Variants in HRH2 observed in about 807,000 individuals in gnomAD.
HRH2 encodes the protein histamine H2 receptor.
Under a neutral mutation model 20.1 loss-of-function variants are expected in HRH2, and 4 were observed. The ratio of observed to expected loss-of-function variants is 0.20; its 90% CI spans 0.10 to 0.45. The LOEUF (loss-of-function observed/expected upper bound fraction) is 0.45, where lower values mean the gene tolerates loss of function less well. Ranked by LOEUF, HRH2 falls within the 20% of genes least tolerant of loss-of-function variation. The pLI, the probability that HRH2 is intolerant of heterozygous loss-of-function variation, is 0.99. For missense variants in HRH2, 250 were observed against 461.6 expected, an observed-to-expected ratio of 0.54 and a Z score of 4.20; for synonymous variants, 197 against 200.7, an observed-to-expected ratio of 0.98 and a Z score of 0.16.
In HRH2 at chr5:175,687,660, G is replaced by A. The variant is rs1040160536; in HGVS notation, c.1076+3351G>A. ...GCTGCCTTATGGGCAGACACCATCC[G>A]CCCCTTCCTGACCCCTACTGTCCAC... On this transcript the variant is annotated intron_variant, in intron 2 of 2. Coordinates refer to ENST00000636584, the MANE Select transcript of HRH2 (RefSeq NM_001367711.1). The surrounding 1 kb of genome is among the most constrained non-coding windows in gnomAD (Gnocchi z 5.2). Among the ~76,000 whole-genome samples, 4 of 151,616 alleles carry A rather than the reference G, an allele frequency of 2.6e-5. No homozygotes were observed. Among genetic ancestry groups the A allele is most frequent in the South Asian group, 2.1e-4 (1 of 4,798 alleles).
At chr5:175,666,432 T>G (rs949714821) in intron 1 of HRH2, among the ~76,000 whole-genome samples, 1 of 152,096 alleles carries the variant, frequency 6.6e-6, no homozygotes, top group East Asian at 1.9e-4. Flanking sequence ...CGCAGATTCC[T>G]TTTTTGGTTT....
In HRH2 at chr5:175,687,715, A is replaced by G. The variant is rs143896073; in HGVS notation, c.1076+3406A>G. Reference sequence around the variant, plus strand: ...CATCACCTCTCCCCTGCCTCCTCTCAGATACCCCTGCTCCCAGCCGCTCCC... The same window carrying G: ...CATCACCTCTCCCCTGCCTCCTCTCGGATACCCCTGCTCCCAGCCGCTCCC... On this transcript the variant is annotated intron_variant, in intron 2 of 2. Transcript: ENST00000636584. This position sits in a 1 kb window ranked among gnomAD's most constrained non-coding sequence, Gnocchi z 5.2. Among the ~76,000 whole-genome samples, 1 of 151,688 alleles carries G rather than the reference A, an allele frequency of 6.6e-6. No individual in the cohort carries two copies. The highest frequency in any genetic ancestry group is 1.5e-5 in the Non-Finnish European group (1 of 67,894).
At chr5:175,698,464 TGTTCTCGCTTTATC>T (rs1756682089) in intron 2 of HRH2, among the ~76,000 whole-genome samples, 1 of 152,164 alleles carries the variant, frequency 6.6e-6, no homozygotes, top group African/African-American at 2.4e-5. Flanking sequence ...CGCACACACT[TGTTCTCGCTTTATC>T]GTGCCATTGA....
intron 2 of HRH2, among the ~76,000 whole-genome samples, chr5:175,691,009 G>A (rs998675922): frequency 6.6e-6 from 1 of 151,930 alleles, no homozygotes; most frequent in African/African-American, 2.4e-5. Context: ...CCATCCAAGG[G>A]CCCATTTTTC....
intron 1 of HRH2, among the ~76,000 whole-genome samples, chr5:175,660,515 G>A (rs1048428528): frequency 2.1e-4 from 32 of 152,250 alleles, no homozygotes; most frequent in African/African-American, 7.0e-4. Context: ...GAAGGAAATA[G>A]GCTAAAGAGG....
At chr5:175,699,204 G>A (rs1413440008) in intron 2 of HRH2, among the ~76,000 whole-genome samples, 1 of 152,208 alleles carries the variant, frequency 6.6e-6, no homozygotes, top group African/African-American at 2.4e-5. Flanking sequence ...AGAAAACAAG[G>A]GGGAATGAAA....
chr5:175,674,484 A>G (rs1287473607), intron 1 of HRH2, among the ~76,000 whole-genome samples: 1 of 151,814 alleles, frequency 6.6e-6, no homozygotes, highest in Non-Finnish European at 1.5e-5. Flanking sequence ...GACACTCATC[A>G]TCATAAAGTG....
At chr5:175,673,939 A>T (rs1755663441) in intron 1 of HRH2, among the ~76,000 whole-genome samples, 1 of 152,216 alleles carries the variant, frequency 6.6e-6, no homozygotes, top group East Asian at 1.9e-4. Flanking sequence ...TCCTGACCTC[A>T]GGTGATCCAC....
At chr5:175,697,434 G>T (rs58093885) in intron 2 of HRH2, among the ~76,000 whole-genome samples, 12,886 of 147,038 alleles carry the variant, frequency 0.088, 1,790 homozygotes, top group African/African-American at 0.3. Context: ...CTGCAGTCCA[G>T]CTTGGGCGAA....
intron 1 of HRH2, among the ~76,000 whole-genome samples, chr5:175,669,996 A>G (rs1038987617): frequency 6.6e-6 from 1 of 152,194 alleles, no homozygotes; most frequent in Non-Finnish European, 1.5e-5. Context: ...ACCCAGGAGC[A>G]GCCCCCTCGG....
In HRH2 at chr5:175,673,438, T is replaced by A. The variant is rs77465680; in HGVS notation, c.-525-9271T>A. ...CTTTTCTAGCCCCTCACTTCATGATTTATATCCACTTTGTGCCCACAATAT... is the reference window on the plus strand; with the variant it reads ...CTTTTCTAGCCCCTCACTTCATGATATATATCCACTTTGTGCCCACAATAT... On this transcript the variant is annotated intron_variant, in intron 1 of 2. Coordinates refer to ENST00000636584, the MANE Select transcript of HRH2 (RefSeq NM_001367711.1). Among the ~76,000 whole-genome samples, 16 of 152,234 alleles carry A rather than the reference T, an allele frequency of 1.1e-4. No individual in the cohort carries two copies. In the East Asian group the frequency reaches 2.9e-3, roughly 28 times the overall value.
At chr5:175,674,121 G>A (rs1055843616) in intron 1 of HRH2, among the ~76,000 whole-genome samples, 1 of 152,230 alleles carries the variant, frequency 6.6e-6, no homozygotes, top group Non-Finnish European at 1.5e-5. Flanking sequence ...TGTTGGCAGA[G>A]GCCAAGCAAA....
chr5:175,691,632 C>T (rs772462281), intron 2 of HRH2, among the ~76,000 whole-genome samples: 3 of 152,090 alleles, frequency 2.0e-5, no homozygotes, highest in Non-Finnish European at 2.9e-5. Flanking sequence ...CCTGTAATAC[C>T]GGCGCTTTGG....
chr5:175,685,661 C>A, intron 2 of HRH2: 1 of 633,982 alleles, frequency 1.6e-6, no homozygotes. Flanking sequence ...CCATCTCAGG[C>A]CTCAGTTTCC....
At chr5:175,703,678 A>G (rs1404163283) in intron 2 of HRH2, among the ~76,000 whole-genome samples, 7 of 152,174 alleles carry the variant, frequency 4.6e-5, no homozygotes. Flanking sequence ...AGATAACAGA[A>G]TAAAAAACAT....
intron 1 of HRH2, among the ~76,000 whole-genome samples, chr5:175,667,265 G>A (rs909039432): frequency 6.6e-5 from 10 of 152,070 alleles, no homozygotes; most frequent in African/African-American, 2.2e-4. Flanking sequence ...CCAACGTGGT[G>A]AAAACTCATC....
chr5:175,667,956 G>A (rs149914269), intron 1 of HRH2, among the ~76,000 whole-genome samples: 139 of 152,314 alleles, frequency 9.1e-4, no homozygotes, highest in African/African-American at 3.3e-3. Context: ...GATGCAAGAC[G>A]ATTGGCACAA....
Position 175,677,140 on chromosome 5 carries a change from G to A in HRH2, c.-525-5569G>A, listed in dbSNP as rs574505578. Among the ~76,000 whole-genome samples the A allele has an allele frequency of 5.3e-5, 8 of 152,040 alleles. No homozygotes were observed. The highest frequency in any genetic ancestry group is 7.3e-5 in the Non-Finnish European group (5 of 68,028). ...CTCCCGAGTAGCCTGCCCTACAGGCGTGCACAACTATGCCCAGCTAATTTT... is the reference window on the plus strand; with the variant it reads ...CTCCCGAGTAGCCTGCCCTACAGGCATGCACAACTATGCCCAGCTAATTTT... On this transcript the variant is annotated intron_variant, in intron 1 of 2. Coordinates refer to ENST00000636584, the MANE Select transcript of HRH2 (RefSeq NM_001367711.1). This position sits in a 1 kb window ranked among gnomAD's most constrained non-coding sequence, Gnocchi z 4.2.
rs1412757240 is a variant in HRH2, at chr5:175,708,734, A to G, written c.*763A>G. The G allele has an allele frequency of 1.3e-5, 2 of 152,086 alleles. No individual in the cohort carries two copies. The highest frequency in any genetic ancestry group is 4.8e-5 in the African/African-American group (2 of 41,350). The allele number at this position is 152,086 out of a possible 1,614,324, so 9.4% of individuals were successfully genotyped here. Reference sequence around the variant, plus strand: ...CCACCTCTCAGGAGAGAAGGCAAATATTTCCTTGACTCAGCCACCTTCCTC... The same window carrying G: ...CCACCTCTCAGGAGAGAAGGCAAATGTTTCCTTGACTCAGCCACCTTCCTC... On this transcript the variant is annotated 3_prime_UTR_variant, in exon 3 of 3. Coordinates refer to ENST00000636584, the MANE Select transcript of HRH2 (RefSeq NM_001367711.1).
Sources: allele counts gnomAD v4.1 joint callset (sites outside exome capture counted in the v4.1 genomes callset), GRCh38; gene constraint gnomAD v4.1.1; non-coding constraint Gnocchi (gnomAD v3.1); transcripts MANE v1.5; gene names NCBI Gene and HGNC (gene_info 2026-07-23, HGNC 2026-07-21).